The following TENM3 variants were observed in gnomAD, a reference collection of about 807,000 sequenced individuals.
TENM3 encodes teneurin transmembrane protein 3.
TENM3 carries 63 observed loss-of-function variants against 255.1 expected under a neutral mutation model. That is an observed-to-expected ratio of 0.25 (90% CI 0.20 to 0.30). The LOEUF is 0.30. Among genes scored for constraint, TENM3 ranks in the 10% least tolerant of loss-of-function variants. The pLI is 1.00. For missense variants in TENM3, 2,929 were observed against 3,461.1 expected (o/e 0.85, Z 3.86); for synonymous variants, 1,306 against 1,322.3 (o/e 0.99, Z 0.27).
the TENM3 span, among the ~76,000 whole-genome samples, chr4:181,793,991 C>A: frequency 6.6e-6 from 1 of 152,058 alleles, no homozygotes; most frequent in African/African-American, 2.4e-5. Flanking sequence ...TTAATAACAC[C>A]TGGCAACATC....
chr4:182,014,026 G>GTA, the TENM3 span, among the ~76,000 whole-genome samples: 2 of 29,558 alleles, frequency 6.8e-5, no homozygotes, highest in Admixed American at 3.2e-4. Context: ...GTGTATATAC[G>GTA]TATATACACA....
At chr4:182,058,572 G>T in the TENM3 span, among the ~76,000 whole-genome samples, 1 of 5,984 alleles carries the variant, frequency 1.7e-4, no homozygotes, top group Non-Finnish European at 5.1e-4. Context: ...ATGTGCTTTT[G>T]CAACTTTTTT....
the TENM3 span, among the ~76,000 whole-genome samples, chr4:181,511,708 G>A: frequency 6.6e-6 from 1 of 152,190 alleles, no homozygotes; most frequent in African/African-American, 2.4e-5. Flanking sequence ...TAGCCAATGA[G>A]TACAAGACAT....
the TENM3 span, among the ~76,000 whole-genome samples, chr4:181,773,462 G>C: frequency 2.0e-5 from 3 of 152,176 alleles, no homozygotes; most frequent in Non-Finnish European, 4.4e-5. Context: ...GAGTTGAAAT[G>C]CACCTTAAAG....
intron 17 of TENM3, 84 bp downstream of exon 17, chr4:182,737,159 A>C: frequency 1.4e-6 from 2 of 1,389,066 alleles, no homozygotes. Flanking sequence ...CAGGGAAGTC[A>C]GTGGATAAAC....
chr4:181,911,530 A>G, the TENM3 span, among the ~76,000 whole-genome samples: 8 of 152,226 alleles, frequency 5.3e-5, no homozygotes, highest in Non-Finnish European at 8.8e-5. Context: ...AGCTCCTTAC[A>G]TCTGGAGCAG....
chr4:182,029,263 C>A, the TENM3 span, among the ~76,000 whole-genome samples: 15 of 152,134 alleles, frequency 9.9e-5, no homozygotes, highest in Non-Finnish European at 1.3e-4. Flanking sequence ...AACATTTCCC[C>A]CTCTTGCTCC....
the TENM3 span, among the ~76,000 whole-genome samples, chr4:181,760,781 C>T: frequency 6.7e-6 from 1 of 149,148 alleles, no homozygotes; most frequent in Non-Finnish European, 1.5e-5. Flanking sequence ...TGATGATTCT[C>T]TCCTCTTCTT....
the TENM3 span, among the ~76,000 whole-genome samples, chr4:182,121,297 C>T: frequency 2.0e-5 from 3 of 152,100 alleles, no homozygotes; most frequent in African/African-American, 7.2e-5. Flanking sequence ...CCCGCCTGGC[C>T]TCTGACTCGC....
chr4:182,057,417 T>C, the TENM3 span, among the ~76,000 whole-genome samples: 1 of 150,434 alleles, frequency 6.6e-6, no homozygotes, highest in Non-Finnish European at 1.5e-5. Context: ...TCTTTTTTTT[T>C]TTTTTTTAAG....
At chr4:182,517,648 G>A (rs1373324710) in intron 3 of TENM3, among the ~76,000 whole-genome samples, 1 of 151,736 alleles carries the variant, frequency 6.6e-6, no homozygotes, top group Non-Finnish European at 1.5e-5. Context: ...CTCCCAAAGT[G>A]CTGGGATTAC....
At chr4:182,628,001 C>G (rs1750994884) in intron 4 of TENM3, among the ~76,000 whole-genome samples, 3 of 152,142 alleles carry the variant, frequency 2.0e-5, no homozygotes, top group Admixed American at 1.3e-4. Context: ...CTTCCCTGTC[C>G]CTACCCCCAG....
At chr4:182,384,788 C>CT (rs1185311965) in intron 3 of TENM3, among the ~76,000 whole-genome samples, 2 of 152,078 alleles carry the variant, frequency 1.3e-5, no homozygotes, top group African/African-American at 2.4e-5. Context: ...TGAGTCTCCT[C>CT]TTTTTTTGTC....
chr4:182,195,988 C>G (rs1332488412), intron 1 of TENM3, among the ~76,000 whole-genome samples: 2 of 152,170 alleles, frequency 1.3e-5, no homozygotes, highest in East Asian at 3.9e-4. Context: ...AACTTCTTTT[C>G]AGGGCCAAGA....
At chr4:182,034,964 C>A in the TENM3 span, among the ~76,000 whole-genome samples, 1 of 152,040 alleles carries the variant, frequency 6.6e-6, no homozygotes, top group Non-Finnish European at 1.5e-5. Flanking sequence ...CTGGGTGATA[C>A]CCTGAAGTGT....
the TENM3 span, among the ~76,000 whole-genome samples, chr4:181,878,128 C>T: frequency 6.6e-6 from 1 of 152,136 alleles, no homozygotes. Context: ...GTTGTCTGCT[C>T]AGATGAAGAT....
At chr4:181,551,826 ATATATATGTATATGTG>A in the TENM3 span, among the ~76,000 whole-genome samples, 1 of 115,382 alleles carries the variant, frequency 8.7e-6, no homozygotes, top group African/African-American at 3.3e-5. Flanking sequence ...ATATATATAT[ATATATATGTATATGTG>A]TGTGTGTGTG....
At chr4:181,556,113 A>T in the TENM3 span, among the ~76,000 whole-genome samples, 1 of 152,212 alleles carries the variant, frequency 6.6e-6, no homozygotes, top group African/African-American at 2.4e-5. Flanking sequence ...CTCAGCTCTG[A>T]ATCTGTAGAC....
the TENM3 span, among the ~76,000 whole-genome samples, chr4:181,573,801 CA>C: frequency 2.0e-5 from 3 of 152,098 alleles, no homozygotes; most frequent in Admixed American, 2.0e-4. Flanking sequence ...AACAGATAAG[CA>C]TTAAAATTAT....
Sources: gnomAD v4.1 joint callset for allele counts (sites outside exome capture counted in the v4.1 genomes callset) on GRCh38, gnomAD v4.1.1 for gene constraint, MANE v1.5 for transcripts, NCBI Gene and HGNC (gene_info 2026-07-23, HGNC 2026-07-21) for gene names.